KCNMB2: variants seen among roughly 807,000 people sequenced by gnomAD.
KCNMB2 encodes the protein potassium calcium-activated channel subfamily M regulatory beta subunit 2.
KCNMB2 carries 9 observed loss-of-function variants against 24.5 expected under a neutral mutation model. The ratio of observed to expected loss-of-function variants is 0.37; its 90% CI spans 0.22 to 0.64. The LOEUF is 0.64. Among genes scored for constraint, KCNMB2 ranks in the 30% least tolerant of loss-of-function variants. The probability of loss-of-function intolerance (pLI) is 0.63; values close to 1 mark genes in which losing one functional copy is unlikely to be tolerated. For synonymous variants in KCNMB2, 109 were observed against 104.4 expected (o/e 1.04, Z -0.27); for missense variants, 226 against 284.3 (o/e 0.79, Z 1.47).
At chr3:178,545,095 C>A (rs1715734125) in intron 1 of KCNMB2, among the ~76,000 whole-genome samples, 1 of 152,058 alleles carries the variant, frequency 6.6e-6, no homozygotes, top group South Asian at 2.1e-4. Flanking sequence ...CTTTGCACAC[C>A]ATGGTGTAGA....
At chr3:178,842,052 C>T (rs1214966006) in intron 4 of KCNMB2, among the ~76,000 whole-genome samples, 1 of 152,182 alleles carries the variant, frequency 6.6e-6, no homozygotes. Context: ...CTCATCTCAG[C>T]TCTTTATTCA....
At position 178,757,307 on chromosome 3, in the gene KCNMB2, TCC is replaced by T. The variant is rs1265454740; in HGVS notation, c.-67-50035_-67-50034del. The stretch of plus-strand genomic sequence containing the variant: ...ATCCAAGAGGATATATATATATATA[TCC>T]ATCCAAGAGGACATATATATATGTA... On this transcript the variant is annotated intron_variant, in intron 1 of 4. Coordinates refer to ENST00000452583, the MANE Select transcript of KCNMB2 (RefSeq NM_181361.3). 5.5e-3 allele frequency among the ~76,000 whole-genome samples: 638 copies of T among 116,990 alleles called. 15 individuals are homozygous for T. Among genetic ancestry groups the T allele is most frequent in the African/African-American group, 0.018 (574 of 31,876 alleles). 76.7% of individuals were successfully genotyped at this position (116,990 alleles called of 152,430 possible).
chr3:178,667,535 T>C (rs1560156813), intron 1 of KCNMB2, among the ~76,000 whole-genome samples: 1 of 152,062 alleles, frequency 6.6e-6, no homozygotes, highest in Non-Finnish European at 1.5e-5. Context: ...AAATCACATT[T>C]TCATTTCTTA....
chr3:178,554,857 C>T (rs1299444137), intron 1 of KCNMB2, among the ~76,000 whole-genome samples: 3 of 152,138 alleles, frequency 2.0e-5, no homozygotes, highest in Non-Finnish European at 2.9e-5. Flanking sequence ...GCATATGGGT[C>T]TTTTGTAAGG....
intron 1 of KCNMB2, among the ~76,000 whole-genome samples, chr3:178,758,449 C>G (rs1475154520): frequency 1.7e-5 from 1 of 59,194 alleles, no homozygotes; most frequent in East Asian, 4.9e-4. Context: ...TATACACACA[C>G]AAGAGGTGAT....
intron 1 of KCNMB2, among the ~76,000 whole-genome samples, chr3:178,576,568 A>T (rs1560115866): frequency 6.6e-6 from 1 of 152,164 alleles, no homozygotes; most frequent in South Asian, 2.1e-4. Flanking sequence ...ACCCCCATGG[A>T]GCCCAGCAAG....
intron 4 of KCNMB2, among the ~76,000 whole-genome samples, chr3:178,842,360 G>A (rs544096467): frequency 2.6e-5 from 4 of 152,208 alleles, no homozygotes; most frequent in South Asian, 2.1e-4. Context: ...TTTATTTTAC[G>A]CATGCAACAT....
At chr3:178,793,114 C>T (rs1019634789) in intron 1 of KCNMB2, among the ~76,000 whole-genome samples, 3 of 152,198 alleles carry the variant, frequency 2.0e-5, no homozygotes, top group African/African-American at 7.2e-5. Context: ...ATATACACAG[C>T]CCTGCTCTCA....
At chr3:178,665,808 A>G (rs1179430655) in intron 1 of KCNMB2, among the ~76,000 whole-genome samples, 2 of 152,186 alleles carry the variant, frequency 1.3e-5, no homozygotes, top group Non-Finnish European at 2.9e-5. Context: ...AATATGTAAT[A>G]TAATGCCAGG....
rs375837252 is a variant in KCNMB2, at chr3:178,688,401, G to A, written c.-67-118942G>A. The stretch of plus-strand genomic sequence containing the variant: ...TGATACCTCAGGTTCTAAATTAAAT[G>A]GGGACACAATAAATAACTACCTTTT... On this transcript the variant is annotated intron_variant, in intron 1 of 4. Transcript: ENST00000452583. Among the ~76,000 whole-genome samples the A allele has an allele frequency of 2.5e-4, 38 of 152,110 alleles. 1 individual carries two copies. The South Asian group carries it at 7.7e-3, about 31-fold the overall frequency.
intron 1 of KCNMB2, among the ~76,000 whole-genome samples, chr3:178,564,357 T>A (rs1442089234): frequency 6.6e-6 from 1 of 152,040 alleles, no homozygotes; most frequent in Non-Finnish European, 1.5e-5. Context: ...ATAACAATAG[T>A]GACTAGAACA....
intron 1 of KCNMB2, among the ~76,000 whole-genome samples, chr3:178,554,326 T>G (rs916211678): frequency 1.3e-5 from 2 of 152,230 alleles, no homozygotes; most frequent in Non-Finnish European, 2.9e-5. Flanking sequence ...AATCAACTTT[T>G]AATAAGAATT....
intron 1 of KCNMB2, among the ~76,000 whole-genome samples, chr3:178,801,360 A>G (rs1054053923): frequency 6.6e-6 from 1 of 152,198 alleles, no homozygotes. Context: ...GAAGTCTGCA[A>G]TAAAAATCCA....
intron 1 of KCNMB2, among the ~76,000 whole-genome samples, chr3:178,656,319 C>T (rs1358194096): frequency 1.3e-5 from 2 of 152,170 alleles, no homozygotes; most frequent in East Asian, 3.8e-4. Context: ...AGCTAGCAGG[C>T]ATTCATGCTA....
intron 1 of KCNMB2, among the ~76,000 whole-genome samples, chr3:178,682,183 T>G (rs1382328563): frequency 4.6e-5 from 7 of 152,190 alleles, no homozygotes; most frequent in Admixed American, 1.3e-4. Flanking sequence ...GTAGGTTAAG[T>G]AATTTGGGAA....
chr3:178,669,115 G>GTA (rs1720815423), intron 1 of KCNMB2, among the ~76,000 whole-genome samples: 1 of 152,290 alleles, frequency 6.6e-6, no homozygotes. Flanking sequence ...AATGACTGGT[G>GTA]TAGTGTGTAG....
intron 2 of KCNMB2, among the ~76,000 whole-genome samples, chr3:178,810,904 T>A (rs1198615507): frequency 7.0e-5 from 3 of 43,120 alleles, no homozygotes. Context: ...CTGGCTAACT[T>A]TTTTTTTTTT....
intron 1 of KCNMB2, among the ~76,000 whole-genome samples, chr3:178,666,192 G>C (rs1310129240): frequency 6.6e-6 from 1 of 151,980 alleles, no homozygotes; most frequent in Non-Finnish European, 1.5e-5. Flanking sequence ...GGTTCACTGA[G>C]AACAAGTAAG....
intron 1 of KCNMB2, among the ~76,000 whole-genome samples, chr3:178,657,672 A>C (rs2108567421): frequency 6.6e-6 from 1 of 152,334 alleles, no homozygotes; most frequent in East Asian, 1.9e-4. Flanking sequence ...GAATACCTGA[A>C]ACTGGATAAC....
Sources: gnomAD v4.1 joint callset for allele counts (sites outside exome capture counted in the v4.1 genomes callset) on GRCh38, gnomAD v4.1.1 for gene constraint, MANE v1.5 for transcripts, NCBI Gene and HGNC (gene_info 2026-07-23, HGNC 2026-07-21) for gene names.